KIAA1549L: variants seen among roughly 807,000 people sequenced by gnomAD.
KIAA1549L encodes the protein UPF0606 protein KIAA1549L.
A neutral mutation model predicts 160.7 loss-of-function variants in KIAA1549L; 88 were observed. That is an observed-to-expected ratio of 0.55 (90% CI 0.46 to 0.65). KIAA1549L has a LOEUF of 0.65. Among genes scored for constraint, KIAA1549L ranks in the 30% least tolerant of loss-of-function variants. The pLI is 0.00. For synonymous variants in KIAA1549L, 950 were observed against 976.7 expected (o/e 0.97, Z 0.51); for missense variants, 2,258 against 2,437.5 (o/e 0.93, Z 1.55).
chr11:33,503,920 G>A (rs1449944231), intron 1 of KIAA1549L, among the ~76,000 whole-genome samples: 2 of 152,216 alleles, frequency 1.3e-5, no homozygotes, highest in African/African-American at 4.8e-5. Flanking sequence ...CAGCTCTGAT[G>A]ACATTCACAA....
At chr11:33,548,207 T>A (rs930702574) in intron 4 of KIAA1549L, among the ~76,000 whole-genome samples, 1 of 152,162 alleles carries the variant, frequency 6.6e-6, no homozygotes, top group Non-Finnish European at 1.5e-5. Context: ...GAGACCGGTC[T>A]GGGCAACATG....
intron 16 of KIAA1549L, among the ~76,000 whole-genome samples, chr11:33,643,408 G>T (rs1399155018): frequency 6.6e-6 from 1 of 152,106 alleles, no homozygotes; most frequent in Non-Finnish European, 1.5e-5. Context: ...GTATGCTTTT[G>T]CCCTAAGGCA....
At chr11:33,586,706 T>C (rs556127973) in intron 11 of KIAA1549L, among the ~76,000 whole-genome samples, 2 of 152,194 alleles carry the variant, frequency 1.3e-5, no homozygotes, top group African/African-American at 4.8e-5. Context: ...AACTGTTTCC[T>C]CTTTCCCACT....
chr11:33,510,476 T>C (rs1477069456), intron 1 of KIAA1549L, among the ~76,000 whole-genome samples: 3 of 152,164 alleles, frequency 2.0e-5, no homozygotes, highest in Admixed American at 6.5e-5. Context: ...TGTGAGCCAC[T>C]GTGCATGGCC....
At chr11:33,389,989 A>G (rs1280882662) in intron 1 of KIAA1549L, among the ~76,000 whole-genome samples, 2 of 152,270 alleles carry the variant, frequency 1.3e-5, no homozygotes, top group Non-Finnish European at 2.9e-5. Context: ...TAGGAATGAA[A>G]TATAACCAGG....
At chr11:33,618,012 G>C (rs979713641) in intron 15 of KIAA1549L, among the ~76,000 whole-genome samples, 2 of 152,206 alleles carry the variant, frequency 1.3e-5, no homozygotes, top group African/African-American at 4.8e-5. Context: ...TGGCTTCTTA[G>C]TCCGGAAGGA....
intron 1 of KIAA1549L, among the ~76,000 whole-genome samples, chr11:33,534,016 A>C (rs934253428): frequency 2.0e-5 from 3 of 152,200 alleles, no homozygotes; most frequent in Non-Finnish European, 2.9e-5. Context: ...CATTCAGAAA[A>C]GGCAGCCAGT....
At chr11:33,434,343 G>A (rs1851313422) in intron 1 of KIAA1549L, among the ~76,000 whole-genome samples, 1 of 152,146 alleles carries the variant, frequency 6.6e-6, no homozygotes, top group Non-Finnish European at 1.5e-5. Context: ...CTCCTCCTTT[G>A]CCTTCCACCA....
rs752943669 is a variant in KIAA1549L at position 33,545,032 on chromosome 11, A to G, written c.3039A>G (p.Ala1013=). Residue 1013 remains alanine (A), a synonymous_variant, in exon 3 of 21, where the codon GCA becomes GCG. Transcript: ENST00000658780. ...AFPFTPTYMY[A]RTGHTTSTHT... is the part of the protein sequence containing the mutation. ...CATTCACACCAACCTACATGTATGCAAGAACAGGACATACCACGAGCACAC... is the reference window on the plus strand; with the variant it reads ...CATTCACACCAACCTACATGTATGCGAGAACAGGACATACCACGAGCACAC... 4 of 1,614,040 alleles carry G rather than the reference A, an allele frequency of 2.5e-6. No homozygotes were observed. The highest frequency in any genetic ancestry group is 3.4e-6 in the Non-Finnish European group (4 of 1,179,890).
chr11:33,606,832 T>C lies in KIAA1549L; in HGVS notation c.5061+10T>C. The C allele has an allele frequency of 6.3e-7, 1 of 1,590,142 alleles. No individual in the cohort carries two copies. Among genetic ancestry groups the C allele is most frequent in the Non-Finnish European group, 8.6e-7 (1 of 1,167,220 alleles). On this transcript the variant is annotated intron_variant, in intron 14 of 20. Transcript: ENST00000658780. ...AGTCCTCAACGGCGAGGTAAGTGCC[T>C]GGAGACCCAGGGCAGGAGATGGTCC...
intron 15 of KIAA1549L, among the ~76,000 whole-genome samples, chr11:33,614,585 T>TATATATATATA (rs1554922897): frequency 4.2e-4 from 3 of 7,064 alleles, no homozygotes; most frequent in Non-Finnish European, 5.7e-4. Flanking sequence ...TATATATATA[T>TATATATATATA]TTTTTTTTTT....
chr11:33,548,975 T>A (rs1430419512), intron 4 of KIAA1549L, among the ~76,000 whole-genome samples: 2 of 152,210 alleles, frequency 1.3e-5, no homozygotes, highest in Non-Finnish European at 2.9e-5. Context: ...AGAAATGCAT[T>A]ATATGAGAGG....
chr11:33,609,734 T>C lies in KIAA1549L; in HGVS notation c.5062-15T>C, dbSNP rs189071080. On this transcript the variant is annotated splice_polypyrimidine_tract_variant and intron_variant, in intron 14 of 20. Transcript: ENST00000658780. Reference sequence around the variant, plus strand: ...ACTGGGTCAGGTTTGGGCCTGAGACTGCCTCTCTCCCCAGGTGAACAAAGC... The same window carrying C: ...ACTGGGTCAGGTTTGGGCCTGAGACCGCCTCTCTCCCCAGGTGAACAAAGC... 6.3e-7 allele frequency: 1 copy of C among 1,589,146 alleles called. No homozygotes were observed. Among genetic ancestry groups the C allele is most frequent in the East Asian group, 2.3e-5 (1 of 43,666 alleles).
intron 1 of KIAA1549L, among the ~76,000 whole-genome samples, chr11:33,538,800 C>A (rs1463482688): frequency 1.3e-5 from 2 of 151,998 alleles, no homozygotes; most frequent in Non-Finnish European, 2.9e-5. Context: ...ATGAACTATT[C>A]TTCTAGTTAA....
In KIAA1549L at chr11:33,386,935, C is replaced by T. The variant is rs181012701; in HGVS notation, c.238+10046C>T. On this transcript the variant is annotated intron_variant, in intron 1 of 20. Transcript: ENST00000658780. ...CATCCTGGTTAATGTGATGAAACCC[C>T]GTCTCTACTAAAAATACAAAAATTA... 1.5e-3 allele frequency among the ~76,000 whole-genome samples: 226 copies of T among 151,844 alleles called. 1 individual carries two copies. Among genetic ancestry groups the T allele is most frequent in the African/African-American group, 4.9e-3 (203 of 41,392 alleles).
At chr11:33,615,663 T>A (rs1850790053) in intron 15 of KIAA1549L, among the ~76,000 whole-genome samples, 1 of 152,022 alleles carries the variant, frequency 6.6e-6, no homozygotes, top group Non-Finnish European at 1.5e-5. Flanking sequence ...AGTAGACTGG[T>A]ATACACTTCA....
rs570199135 is a variant in KIAA1549L at position 33,615,203 on chromosome 11, T to C, written c.5280-3330T>C. On this transcript the variant is annotated intron_variant, in intron 15 of 20. Coordinates refer to ENST00000658780, the MANE Select transcript of KIAA1549L (RefSeq NM_012194.3). ...TAGGGAACCCCACGTAAGGTAATAA[T>C]ATATAAAGATGGAGTTGCTCTGATG... 9.2e-5 allele frequency among the ~76,000 whole-genome samples: 14 copies of C among 152,174 alleles called. No homozygotes were observed. In the East Asian group the frequency reaches 2.7e-3, roughly 29 times the overall value.
chr11:33,418,324 G>C, intron 1 of KIAA1549L, among the ~76,000 whole-genome samples: 1 of 152,188 alleles, frequency 6.6e-6, no homozygotes, highest in East Asian at 1.9e-4. Flanking sequence ...ATGCTGAGAG[G>C]CCTGTGGAAT....
At chr11:33,525,218 C>T (rs1853585329) in intron 1 of KIAA1549L, among the ~76,000 whole-genome samples, 1 of 152,174 alleles carries the variant, frequency 6.6e-6, no homozygotes, top group Non-Finnish European at 1.5e-5. Context: ...ACTGCAGACT[C>T]TGTAAGACAG....
Sources: allele counts gnomAD v4.1 joint callset (sites outside exome capture counted in the v4.1 genomes callset), GRCh38; gene constraint gnomAD v4.1.1; transcripts MANE v1.5; gene names NCBI Gene and HGNC (gene_info 2026-07-23, HGNC 2026-07-21).